DIS3L2: variants seen among roughly 807,000 people sequenced by gnomAD.
The protein encoded by DIS3L2 is DIS3 like 3'-5' exoribonuclease 2.
In DIS3L2, 34 loss-of-function variants were observed where a neutral mutation model predicts 97.5. The observed-to-expected ratio is 0.35, with a 90% CI of 0.27 to 0.46. The LOEUF (loss-of-function observed/expected upper bound fraction) is 0.46, where lower values mean the gene tolerates loss of function less well. Among genes scored for constraint, DIS3L2 ranks in the 20% least tolerant of loss-of-function variants. The pLI is 1.00. For missense variants in DIS3L2, 1,038 were observed against 1,146.0 expected, an observed-to-expected ratio of 0.91 and a Z score of 1.36; for synonymous variants, 435 against 445.2, an observed-to-expected ratio of 0.98 and a Z score of 0.29.
chr2:232,236,001 T>G (rs1004209615), intron 10 of DIS3L2, among the ~76,000 whole-genome samples: 1 of 152,214 alleles, frequency 6.6e-6, no homozygotes, highest in East Asian at 1.9e-4. Context: ...AGATCTGTTA[T>G]GTTACCCCAT....
intron 5 of DIS3L2, among the ~76,000 whole-genome samples, chr2:232,051,583 C>T (rs954795261): frequency 6.6e-6 from 1 of 151,880 alleles, no homozygotes; most frequent in South Asian, 2.1e-4. Flanking sequence ...GAGGCCGAGG[C>T]GGGCGGATCA....
At chr2:232,172,719 GCTGTACCATTTGCACTCC>G (rs140596642) in intron 9 of DIS3L2, 7,059 of 534,246 alleles carry the variant, frequency 0.013, 80 homozygotes, top group Non-Finnish European at 0.017. Flanking sequence ...TTTCAAAGTA[GCTGTACCATTTGCACTCC>G]CTGTGGCAAT....
At chr2:232,311,236 G>A (rs768250888) in intron 14 of DIS3L2, among the ~76,000 whole-genome samples, 6 of 152,218 alleles carry the variant, frequency 3.9e-5, no homozygotes, top group Non-Finnish European at 8.8e-5. Flanking sequence ...AGGAACACTG[G>A]TCCATGTCTC....
intron 13 of DIS3L2, among the ~76,000 whole-genome samples, chr2:232,291,244 A>G (rs1477875637): frequency 6.6e-6 from 1 of 152,266 alleles, no homozygotes; most frequent in African/African-American, 2.4e-5. Flanking sequence ...AAAAAAAGAA[A>G]TTATACTTAG....
chr2:232,127,140 GA>G (rs1698084555), intron 6 of DIS3L2, among the ~76,000 whole-genome samples: 1 of 152,146 alleles, frequency 6.6e-6, no homozygotes, highest in Non-Finnish European at 1.5e-5. Flanking sequence ...GCTTGGGCTG[GA>G]AAGTTTCTCA....
At chr2:232,310,500 C>T (rs923510290) in intron 14 of DIS3L2, among the ~76,000 whole-genome samples, 3 of 152,220 alleles carry the variant, frequency 2.0e-5, no homozygotes, top group Admixed American at 6.5e-5. Flanking sequence ...GAGGGATGGC[C>T]GTGGCTCTCT....
At chr2:232,270,300 C>A (rs1176213498) in intron 13 of DIS3L2, among the ~76,000 whole-genome samples, 1 of 152,130 alleles carries the variant, frequency 6.6e-6, no homozygotes, top group African/African-American at 2.4e-5. Flanking sequence ...AGTCCCATCA[C>A]CCAGAAATAA....
At chr2:232,027,528 G>C (rs1315967165) in intron 4 of DIS3L2, among the ~76,000 whole-genome samples, 1 of 152,134 alleles carries the variant, frequency 6.6e-6, no homozygotes, top group Non-Finnish European at 1.5e-5. Context: ...TTTTTAGAGA[G>C]ACAAAAATAG....
chr2:231,972,651 C>T (rs193279856), intron 1 of DIS3L2, among the ~76,000 whole-genome samples: 15 of 152,308 alleles, frequency 9.8e-5, no homozygotes, highest in Admixed American at 6.5e-4. Context: ...TCAAGCGATT[C>T]TCCTGCCTCA....
At chr2:232,082,836 A>T (rs1401840042) in intron 5 of DIS3L2, among the ~76,000 whole-genome samples, 13 of 152,192 alleles carry the variant, frequency 8.5e-5, no homozygotes, top group Non-Finnish European at 1.5e-5. Context: ...GTCCATTTTC[A>T]TAATGTTGAT....
At chr2:232,314,611 T>C (rs544494901) in intron 14 of DIS3L2, among the ~76,000 whole-genome samples, 1 of 152,364 alleles carries the variant, frequency 6.6e-6, no homozygotes, top group East Asian at 1.9e-4. Context: ...TTCAAAACTC[T>C]TAAAGACCTT....
At position 232,130,679 on chromosome 2, in the gene DIS3L2, C is replaced by G. The variant is rs201020526; in HGVS notation, c.662C>G (p.Thr221Arg). Reference protein sequence around the residue: ...KDETTCISQDTRALSEKSLQR... With the variant: ...KDETTCISQDRRALSEKSLQR... ...GAGACCACCTGCATTTCACAAGACA[C>G]AAGAGCTTTATCGGAGAAATCCCTG... is the stretch of plus-strand genomic sequence containing the variant. Residue 221 changes from threonine (T) to arginine (R), a missense_variant, in exon 7 of 21, where the codon ACA (threonine) becomes AGA (arginine). This residue lies in a region of DIS3L2 where 813 missense variants were observed against 880.1 expected (regional missense o/e 0.92). Coordinates refer to ENST00000325385, the MANE Select transcript of DIS3L2 (RefSeq NM_152383.5). The G allele has an allele frequency of 7.6e-5, 122 of 1,613,948 alleles. No homozygotes were observed. The African/African-American group carries it at 1.3e-3, about 17-fold the overall frequency.
chr2:232,212,076 G>A (rs1009834421), intron 10 of DIS3L2, among the ~76,000 whole-genome samples: 14 of 152,154 alleles, frequency 9.2e-5, no homozygotes, highest in Non-Finnish European at 1.3e-4. Flanking sequence ...AGGTCCCCTG[G>A]AAATTTTAGA....
At chr2:232,209,420 A>C (rs929996637) in intron 9 of DIS3L2, among the ~76,000 whole-genome samples, 3 of 152,214 alleles carry the variant, frequency 2.0e-5, no homozygotes, top group Non-Finnish European at 4.4e-5. Flanking sequence ...TAGTACAAGT[A>C]TGGGCAACAT....
chr2:232,250,873 G>A (rs1319613003), intron 12 of DIS3L2, among the ~76,000 whole-genome samples: 1 of 152,058 alleles, frequency 6.6e-6, no homozygotes, highest in Non-Finnish European at 1.5e-5. Flanking sequence ...TCTGAATAGT[G>A]AGGAATAAAA....
intron 9 of DIS3L2, among the ~76,000 whole-genome samples, chr2:232,168,561 T>C (rs1690892082): frequency 6.6e-6 from 1 of 152,180 alleles, no homozygotes; most frequent in Non-Finnish European, 1.5e-5. Flanking sequence ...CATAAATCCA[T>C]GTATCTGGGC....
At chr2:232,231,656 CT>C (rs1212318402) in intron 10 of DIS3L2, among the ~76,000 whole-genome samples, 14 of 152,260 alleles carry the variant, frequency 9.2e-5, no homozygotes, top group Non-Finnish European at 1.3e-4. Flanking sequence ...GCTGGGTGCT[CT>C]CTTGCAGACC....
chr2:232,319,838 C>T (rs545015641), intron 14 of DIS3L2, among the ~76,000 whole-genome samples: 5 of 152,336 alleles, frequency 3.3e-5, no homozygotes, highest in East Asian at 1.9e-4. Flanking sequence ...GGTCCAGTCA[C>T]GCTTTGGCAT....
chr2:232,112,440 C>T (rs1697566508), intron 6 of DIS3L2, among the ~76,000 whole-genome samples: 1 of 152,146 alleles, frequency 6.6e-6, no homozygotes, highest in Non-Finnish European at 1.5e-5. Context: ...TCTTCGGGTG[C>T]ACTTAGTCCT....
Sources: gnomAD v4.1 joint callset for allele counts (sites outside exome capture counted in the v4.1 genomes callset) on GRCh38, gnomAD v4.1.1 for gene constraint, gnomAD v4.1.1 regional missense constraint, MANE v1.5 for transcripts, NCBI Gene and HGNC (gene_info 2026-07-23, HGNC 2026-07-21) for gene names.